The following ARID4B variants were observed in gnomAD, a reference collection of about 807,000 sequenced individuals.
The protein encoded by ARID4B is AT-rich interaction domain 4B, also known as AT-rich interactive domain-containing protein 4B.
In ARID4B, 26 loss-of-function variants were observed where a neutral mutation model predicts 147.5. The observed-to-expected ratio is 0.18, with a 90% CI of 0.13 to 0.24. ARID4B has a LOEUF of 0.24. Among genes scored for constraint, ARID4B ranks in the 10% least tolerant of loss-of-function variants. The pLI is 1.00. For synonymous variants in ARID4B, 512 were observed against 507.9 expected (o/e 1.01, Z -0.11); for missense variants, 1,179 against 1,511.5 (o/e 0.78, Z 3.65).
At chr1:235,173,065 G>A (rs751069539) in intron 22 of ARID4B, among the ~76,000 whole-genome samples, 7 of 152,106 alleles carry the variant, frequency 4.6e-5, no homozygotes, top group Non-Finnish European at 7.3e-5. Flanking sequence ...TAAAACTGGG[G>A]CTGGGCACGG....
intron 17 of ARID4B, among the ~76,000 whole-genome samples, chr1:235,200,134 C>T (rs1325713454): frequency 6.6e-6 from 1 of 151,978 alleles, no homozygotes; most frequent in Non-Finnish European, 1.5e-5. Flanking sequence ...GCCTGGCCAA[C>T]GTGGTGAAAC....
intron 17 of ARID4B, among the ~76,000 whole-genome samples, chr1:235,208,201 G>A (rs889855316): frequency 1.3e-5 from 2 of 152,124 alleles, no homozygotes; most frequent in Non-Finnish European, 2.9e-5. Flanking sequence ...TCACTCAGTT[G>A]TTACTAAACA....
intron 23 of ARID4B, among the ~76,000 whole-genome samples, chr1:235,170,220 A>T (rs1198565306): frequency 6.6e-6 from 1 of 152,188 alleles, no homozygotes; most frequent in Non-Finnish European, 1.5e-5. Flanking sequence ...TTGTACTGGA[A>T]CACAGCCATG....
At chr1:235,227,750 GAACT>G (rs1003778410) in intron 11 of ARID4B, among the ~76,000 whole-genome samples, 10 of 151,108 alleles carry the variant, frequency 6.6e-5, no homozygotes, top group South Asian at 4.2e-4. Flanking sequence ...GATCTAATCA[GAACT>G]ATCTACCCAT....
chr1:235,236,030 G>A (rs184332976), intron 8 of ARID4B, among the ~76,000 whole-genome samples: 233 of 150,326 alleles, frequency 1.5e-3, no homozygotes, highest in African/African-American at 5.3e-3. Context: ...GGGTTCAATC[G>A]ATCCTCCCAC....
At chr1:235,189,749 A>T (rs970063742) in intron 19 of ARID4B, among the ~76,000 whole-genome samples, 1 of 151,600 alleles carries the variant, frequency 6.6e-6, no homozygotes, top group Non-Finnish European at 1.5e-5. Context: ...AGAAAAAAAA[A>T]AATTTGGCAG....
intron 19 of ARID4B, among the ~76,000 whole-genome samples, chr1:235,184,026 A>G (rs565154804): frequency 1.1e-4 from 17 of 151,840 alleles, no homozygotes; most frequent in Non-Finnish European, 2.2e-4. Context: ...CAACCTGCCT[A>G]CCTCAGCCTT....
intron 10 of ARID4B, among the ~76,000 whole-genome samples, chr1:235,230,626 A>C (rs1305472493): frequency 5.3e-5 from 8 of 150,966 alleles, no homozygotes; most frequent in African/African-American, 1.9e-4. Flanking sequence ...ACCAGAAAAA[A>C]AAAGGAAACC....
At chr1:235,229,122 T>A in intron 11 of ARID4B, 109 bp downstream of exon 11, 1 of 1,260,664 alleles carries the variant, frequency 7.9e-7, no homozygotes, top group East Asian at 2.4e-5. Context: ...GAAATATTTC[T>A]CATACTAAAA....
At chr1:235,221,476 G>T in intron 14 of ARID4B, 89 bp downstream of exon 14, 2 of 685,664 alleles carry the variant, frequency 2.9e-6, no homozygotes, top group Non-Finnish European at 4.9e-6. Flanking sequence ...TTTCTTTAAA[G>T]AAATAATTAA....
At chr1:235,289,991 C>CTA (rs1476686664) in intron 2 of ARID4B, among the ~76,000 whole-genome samples, 1 of 149,790 alleles carries the variant, frequency 6.7e-6, no homozygotes, top group African/African-American at 2.5e-5. Context: ...TATCATGCCA[C>CTA]TACACTCCCT....
chr1:235,276,008 A>G (rs1933248), intron 2 of ARID4B, among the ~76,000 whole-genome samples: 44,489 of 151,942 alleles, frequency 0.29, 7,661 homozygotes, highest in South Asian at 0.53. Flanking sequence ...GTGGTAGCAC[A>G]CACCTGTGGC....
intron 2 of ARID4B, among the ~76,000 whole-genome samples, chr1:235,281,313 G>A (rs547441229): frequency 6.6e-6 from 1 of 152,282 alleles, no homozygotes; most frequent in Non-Finnish European, 1.5e-5. Context: ...CACTTTGGGA[G>A]GCTGAGGCGG....
At chr1:235,208,165 TTC>T (rs1429641992) in intron 17 of ARID4B, among the ~76,000 whole-genome samples, 2 of 152,234 alleles carry the variant, frequency 1.3e-5, no homozygotes, top group East Asian at 3.8e-4. Context: ...GTATTTTAAA[TTC>T]CATGCCAATT....
intron 2 of ARID4B, among the ~76,000 whole-genome samples, chr1:235,313,421 C>T (rs1052689172): frequency 1.3e-5 from 2 of 152,164 alleles, no homozygotes; most frequent in African/African-American, 4.8e-5. Context: ...CGTGTTCAGG[C>T]TTGTTCAGCT....
At chr1:235,322,739 A>G (rs753664359) in intron 2 of ARID4B, among the ~76,000 whole-genome samples, 4 of 152,096 alleles carry the variant, frequency 2.6e-5, no homozygotes, top group Non-Finnish European at 5.9e-5. Context: ...TTCATTCTAT[A>G]TTACCTGATA....
chr1:235,295,182 T>C (rs1010418036), intron 2 of ARID4B, among the ~76,000 whole-genome samples: 1 of 152,186 alleles, frequency 6.6e-6, no homozygotes, highest in Admixed American at 6.5e-5. Context: ...ATAATGTTAA[T>C]GTTGTTAGGA....
chr1:235,320,599 C>A (rs1674752226), intron 2 of ARID4B, among the ~76,000 whole-genome samples: 1 of 152,194 alleles, frequency 6.6e-6, no homozygotes, highest in Non-Finnish European at 1.5e-5. Context: ...TCACTCAACA[C>A]CCTTCAAAGG....
rs768600040 is a variant in ARID4B, at chr1:235,221,886, A to ATTTTTTTTTTTTT, written c.1066-237_1066-225dup. On this transcript the variant is annotated intron_variant, in intron 13 of 23. Coordinates refer to ENST00000264183, the MANE Select transcript of ARID4B (RefSeq NM_016374.6). Reference sequence around the variant, plus strand: ...TGTTGAAATATTAAGTCATTTGACTATTTTTTTTTTTTTTTTTTTTTTTTT... The same window carrying ATTTTTTTTTTTTT: ...TGTTGAAATATTAAGTCATTTGACTATTTTTTTTTTTTTTTTTTTTTTTTTTTTTTTTTTTTTT... Among the ~76,000 whole-genome samples, 27 of 53,660 alleles carry ATTTTTTTTTTTTT rather than the reference A, an allele frequency of 5.0e-4. 2 individuals are homozygous for ATTTTTTTTTTTTT. Among genetic ancestry groups the ATTTTTTTTTTTTT allele is most frequent in the Middle Eastern group, 0.015 (1 of 68 alleles). 35.2% of individuals were successfully genotyped at this position (53,660 alleles called of 152,430 possible). A position where few individuals can be genotyped will look rare whatever the true frequency, so the allele number is the denominator to read the frequency against.
Sources: allele counts gnomAD v4.1 joint callset (sites outside exome capture counted in the v4.1 genomes callset), GRCh38; gene constraint gnomAD v4.1.1; transcripts MANE v1.5; gene names NCBI Gene and HGNC (gene_info 2026-07-23, HGNC 2026-07-21).